The following RBFOX1 variants were observed in gnomAD, a reference collection of about 807,000 sequenced individuals.
RBFOX1 encodes RNA binding fox-1 homolog 1.
Under a neutral mutation model 57.7 loss-of-function variants are expected in RBFOX1, and 8 were observed. The ratio of observed to expected loss-of-function variants is 0.14; its 90% CI spans 0.08 to 0.25. RBFOX1 has a LOEUF of 0.25. RBFOX1 is among the 10% of genes least tolerant of loss of function. RBFOX1 has a pLI of 1.00. For synonymous variants in RBFOX1, 326 were observed against 222.4 expected (o/e 1.47, Z -4.15); for missense variants, 611 against 548.5 (o/e 1.11, Z -1.14).
chr16:7,302,015 C>A (rs941043361), intron 4 of RBFOX1, among the ~76,000 whole-genome samples: 1 of 152,130 alleles, frequency 6.6e-6, no homozygotes, highest in African/African-American at 2.4e-5. Context: ...TCTGATGCAA[C>A]GTACAGCAAA....
intron 3 of RBFOX1, among the ~76,000 whole-genome samples, chr16:5,647,955 G>A (rs1009534359): frequency 5.9e-5 from 9 of 152,122 alleles, no homozygotes; most frequent in African/African-American, 2.2e-4. Flanking sequence ...CACCTCCTGG[G>A]TTCAAGATAT....
At chr16:6,165,703 G>A (rs2096912147) in intron 1 of RBFOX1, among the ~76,000 whole-genome samples, 1 of 152,214 alleles carries the variant, frequency 6.6e-6, no homozygotes, top group South Asian at 2.1e-4. Context: ...ACATGCATGG[G>A]CAAATGAAAT....
intron 2 of RBFOX1, among the ~76,000 whole-genome samples, chr16:6,530,746 C>A (rs1321481747): frequency 2.8e-5 from 1 of 36,356 alleles, no homozygotes; most frequent in African/African-American, 3.3e-5. Context: ...CTTTTATAAA[C>A]CGTCCCTTCC....
chr16:6,501,932 G>C (rs2095944526), intron 2 of RBFOX1, among the ~76,000 whole-genome samples: 1 of 152,200 alleles, frequency 6.6e-6, no homozygotes, highest in Admixed American at 6.5e-5. Flanking sequence ...AAGTGCTGAG[G>C]AGATAGTGGT....
Position 5,774,908 on chromosome 16 carries a change from C to G in RBFOX1, c.319-92395C>G, listed in dbSNP as rs143975785. Reference sequence around the variant, plus strand: ...ATGTTGGCCAGGCTGGTCTCGAACTCCTGACCTCAGGTGATCCACCCACTT... The same window carrying G: ...ATGTTGGCCAGGCTGGTCTCGAACTGCTGACCTCAGGTGATCCACCCACTT... On this transcript the variant is annotated intron_variant, in intron 3 of 19. Transcript: ENST00000641259. Among the ~76,000 whole-genome samples, 225 of 152,210 alleles carry G rather than the reference C, an allele frequency of 1.5e-3. 1 individual carries two copies. The highest frequency in any genetic ancestry group is 5.1e-3 in the African/African-American group (212 of 41,530).
intron 2 of RBFOX1, among the ~76,000 whole-genome samples, chr16:6,518,579 TG>T (rs960501724): frequency 6.6e-6 from 1 of 152,188 alleles, no homozygotes; most frequent in African/African-American, 2.4e-5. Flanking sequence ...GAAAACATCC[TG>T]GGAAGGTGAA....
chr16:7,510,056 C>A, intron 4 of RBFOX1: 1 of 742,420 alleles, frequency 1.3e-6, no homozygotes, highest in Non-Finnish European at 1.6e-6. Context: ...GAGGAGCAAG[C>A]TGTGATTGAT....
intron 4 of RBFOX1, among the ~76,000 whole-genome samples, chr16:7,169,591 A>G (rs547768035): frequency 5.3e-5 from 8 of 152,326 alleles, no homozygotes; most frequent in Admixed American, 1.3e-4. Flanking sequence ...ACACATTCCT[A>G]CCAGGTAGGT....
chr16:7,132,671 C>T (rs536448147), intron 4 of RBFOX1, among the ~76,000 whole-genome samples: 8 of 151,578 alleles, frequency 5.3e-5, no homozygotes, highest in Non-Finnish European at 7.4e-5. Context: ...GGCAGCCTGA[C>T]GCACACTTCA....
chr16:7,658,205 C>T (rs374416869), intron 12 of RBFOX1, among the ~76,000 whole-genome samples: 9 of 152,116 alleles, frequency 5.9e-5, no homozygotes, highest in African/African-American at 1.9e-4. Flanking sequence ...TCAACATCCC[C>T]CTTTTGCTTG....
chr16:6,924,205 C>T (rs898100392), intron 3 of RBFOX1, among the ~76,000 whole-genome samples: 2 of 150,212 alleles, frequency 1.3e-5, no homozygotes, highest in Non-Finnish European at 1.5e-5. Context: ...GCAATAATGC[C>T]ACCTGAAACT....
Position 6,681,377 on chromosome 16 carries a change from TA to T in RBFOX1, c.-16+26732del, listed in dbSNP as rs1175120922. 3.3e-5 allele frequency among the ~76,000 whole-genome samples: 5 copies of T among 152,358 alleles called. No individual in the cohort carries two copies. The East Asian group carries it at 9.6e-4, about 29-fold the overall frequency. ...TTGGTTAAGTCTTTGCTACCTTGGT[TA>T]AAAAGTTTGGTATCTTGGTAGCAAA... On this transcript the variant is annotated intron_variant, in intron 3 of 15. Coordinates refer to ENST00000550418, the MANE Select transcript of RBFOX1 (RefSeq NM_018723.4).
intron 3 of RBFOX1, among the ~76,000 whole-genome samples, chr16:6,864,475 CATA>C (rs1405559989): frequency 6.6e-6 from 1 of 151,364 alleles, no homozygotes; most frequent in Non-Finnish European, 1.5e-5. Context: ...GTATAAATGA[CATA>C]ATCTCAAATT....
chr16:6,601,708 A>C (rs2097855500), intron 2 of RBFOX1, among the ~76,000 whole-genome samples: 1 of 152,122 alleles, frequency 6.6e-6, no homozygotes, highest in Non-Finnish European at 1.5e-5. Flanking sequence ...GCTTCATCTT[A>C]AGTCATTCTC....
At chr16:5,454,894 CTTTCTTTCTTTCT>C (rs2068554108) in intron 1 of RBFOX1, among the ~76,000 whole-genome samples, 7 of 84,928 alleles carry the variant, frequency 8.2e-5, no homozygotes, top group African/African-American at 2.1e-4. Context: ...TTCTTTCTTT[CTTTCTTTCTTTCT>C]TTCTTTCCTT....
chr16:5,988,370 ATTACT>A (rs1030905483), intron 4 of RBFOX1, among the ~76,000 whole-genome samples: 24 of 152,148 alleles, frequency 1.6e-4, no homozygotes, highest in Non-Finnish European at 2.2e-4. Context: ...ATTCAAAGTG[ATTACT>A]TTAGGATTAC....
chr16:7,331,876 T>C (rs2096702432), intron 4 of RBFOX1, among the ~76,000 whole-genome samples: 1 of 152,160 alleles, frequency 6.6e-6, no homozygotes, highest in South Asian at 2.1e-4. Context: ...CTATGTAACA[T>C]ATCCCAAATG....
intron 1 of RBFOX1, among the ~76,000 whole-genome samples, chr16:6,085,734 T>G (rs142284026): frequency 3.5e-4 from 53 of 152,272 alleles, no homozygotes; most frequent in African/African-American, 1.2e-3. Flanking sequence ...GGCGCTTAAA[T>G]TCTACCCTCC....
intron 4 of RBFOX1, among the ~76,000 whole-genome samples, chr16:7,099,421 A>G (rs575244057): frequency 6.6e-6 from 1 of 152,298 alleles, no homozygotes; most frequent in Admixed American, 6.5e-5. Context: ...GGGGAATGGG[A>G]TGAAATAATA....
Sources: gnomAD v4.1 joint callset for allele counts (sites outside exome capture counted in the v4.1 genomes callset) on GRCh38, gnomAD v4.1.1 for gene constraint, MANE v1.5 for transcripts, NCBI Gene and HGNC (gene_info 2026-07-23, HGNC 2026-07-21) for gene names.